Variants in NBPF9 observed in about 807,000 individuals in gnomAD.
The protein encoded by NBPF9 is NBPF member 9.
Under a neutral mutation model 97.8 loss-of-function variants are expected in NBPF9, and 91 were observed. The ratio of observed to expected loss-of-function variants is 0.93; its 90% confidence interval spans 0.79 to 1.11. The LOEUF is 1.11. Among genes scored for constraint, NBPF9 ranks in the 50% least tolerant of loss-of-function variants. The probability of loss-of-function intolerance (pLI) is 0.00; values close to 1 mark genes in which losing one functional copy is unlikely to be tolerated. For synonymous variants in NBPF9, 334 were observed against 359.5 expected (o/e 0.93, Z 0.80); for missense variants, 992 against 939.5 (o/e 1.06, Z -0.73).
chr1:149,080,733 G>T (rs1298723588), intron 7 of NBPF9, among the ~76,000 whole-genome samples: 4 of 122,474 alleles, frequency 3.3e-5, no homozygotes, highest in African/African-American at 1.3e-4. Flanking sequence ...ATTAGTATGA[G>T]AGGCAGCATT....
chr1:149,081,125 T>C (rs1264585500), intron 7 of NBPF9, among the ~76,000 whole-genome samples: 3 of 151,558 alleles, frequency 2.0e-5, no homozygotes, highest in African/African-American at 7.3e-5. Flanking sequence ...TTTATCTTTT[T>C]GTTTGTTTGT....
chr1:149,073,868 A>G (rs2079622871), exon 13 of NBPF9: 1 of 1,434,704 alleles, frequency 7.0e-7, no homozygotes, highest in African/African-American at 1.4e-5. Flanking sequence ...CACTCTTCAT[A>G]CTCTGAGAAA....
Position 149,070,988 on chromosome 1 carries a change from G to T in NBPF9, c.1531C>A (p.Leu511Ile), listed in dbSNP as rs377146782. 1.9e-6 allele frequency: 3 copies of T among 1,612,448 alleles called. No individual in the cohort carries two copies. The East Asian group carries it at 6.7e-5, about 36-fold the overall frequency. ...TCAACATGAGAGGATGAGCCAATGA[G>T]AGTTGAGTCGACTTTGTCTTCCTCA... The change falls in exon 16 of 30, where the codon CTC becomes ATC. Residue 511 changes from leucine (L) to isoleucine (I), a missense_variant. By Grantham distance (5) the Leu-to-Ile change is conservative. Around this residue, in one of 11 missense-constraint regions of NBPF9, gnomAD observed 151 missense variants for 132.8 expected, o/e 1.14. Coordinates refer to ENST00000584027, the Ensembl canonical transcript of NBPF9.
exon 30 of NBPF9, chr1:149,054,532 T>C (rs1385139969): frequency 1.0e-3 from 136 of 135,898 alleles, no homozygotes; most frequent in African/African-American, 3.5e-3. Flanking sequence ...TGGGCTGAGG[T>C]TGGAAACTCA....
chr1:149,084,337 TATATA>T (rs1273544802), intron 5 of NBPF9, among the ~76,000 whole-genome samples: 1 of 147,480 alleles, frequency 6.8e-6, no homozygotes, highest in African/African-American at 2.5e-5. Context: ...CACATGAATA[TATATA>T]ATATATATAC....
intron 8 of NBPF9, 46 bp downstream of exon 8, chr1:149,080,007 G>C: frequency 5.4e-6 from 8 of 1,469,894 alleles, no homozygotes; most frequent in Non-Finnish European, 9.5e-7. Flanking sequence ...GTACTTCAGA[G>C]ATCTACACAC....
At chr1:149,055,549 C>G (rs1218085523) in exon 30 of NBPF9, 8 of 1,566,854 alleles carry the variant, frequency 5.1e-6, no homozygotes, top group Non-Finnish European at 6.0e-6. Flanking sequence ...GCCCACTGAC[C>G]CATCCTATGT....
intron 4 of NBPF9, among the ~76,000 whole-genome samples, chr1:149,093,062 A>G (rs2152922606): frequency 6.6e-6 from 1 of 152,084 alleles, no homozygotes; most frequent in South Asian, 2.1e-4. Flanking sequence ...TTTATTGATC[A>G]TTATCGGGCA....
At chr1:149,061,924 G>T in intron 22 of NBPF9, 169 bp downstream of exon 22, 2 of 469,880 alleles carry the variant, frequency 4.3e-6, no homozygotes, top group South Asian at 4.3e-5. Flanking sequence ...CCCATTTCAT[G>T]TCTAGGCTTC....
intron 13 of NBPF9, 99 bp from the exon 14 acceptor site, chr1:149,073,031 C>G: frequency 7.6e-7 from 1 of 1,321,716 alleles, no homozygotes; most frequent in Non-Finnish European, 1.1e-6. Flanking sequence ...CTCAAGGAGA[C>G]CTCGAAGCAG....
At chr1:149,093,343 G>C (rs1377532031) in intron 4 of NBPF9, among the ~76,000 whole-genome samples, 4 of 151,858 alleles carry the variant, frequency 2.6e-5, no homozygotes, top group East Asian at 3.9e-4. Context: ...ACCCAGGGAC[G>C]AGCAGGAGAC....
chr1:149,060,977 A>G, intron 23 of NBPF9: 1 of 417,150 alleles, frequency 2.4e-6, no homozygotes. Context: ...TGACACACTG[A>G]TGAGGGAGTA....
chr1:149,099,722 T>C (rs2082020844), intron 3 of NBPF9, among the ~76,000 whole-genome samples: 2 of 152,180 alleles, frequency 1.3e-5, no homozygotes, highest in Non-Finnish European at 2.9e-5. Flanking sequence ...TGATGGCTTA[T>C]GCCTGTAATC....
Position 149,079,190 on chromosome 1 carries a change from G to A in NBPF9, c.310C>T (p.Arg104Ter), listed in dbSNP as rs112111762. 3.4e-4 allele frequency: 370 copies of A among 1,093,468 alleles called. 5 individuals carry two copies. The East Asian group carries it at 6.1e-3, about 18-fold the overall frequency. The allele number at this position is 1,093,468 out of a possible 1,614,324, so 67.7% of individuals were successfully genotyped here. A position where few individuals can be genotyped will look rare whatever the true frequency, so the allele number is the denominator to read the frequency against. The change falls in exon 9 of 30, where the codon CGA becomes TGA. Residue 104 changes from arginine (R) to a stop codon, truncating the protein, a stop_gained. Transcript: ENST00000584027. LOFTEE classifies it high-confidence loss of function. Reference sequence around the variant, plus strand: ...TTCTCCTTTAACTGCGTCAGCTCTCGTTCCTGAGAGTGAACCAGGACTTTA... The same window carrying A: ...TTCTCCTTTAACTGCGTCAGCTCTCATTCCTGAGAGTGAACCAGGACTTTA...
intron 5 of NBPF9, among the ~76,000 whole-genome samples, chr1:149,087,668 T>G (rs1278707050): frequency 6.6e-6 from 1 of 150,892 alleles, no homozygotes; most frequent in Non-Finnish European, 1.5e-5. Context: ...TTGCATTGGA[T>G]CTGGAGATCA....
At chr1:149,087,828 CTTTTTTTTTT>C (rs60084667) in intron 5 of NBPF9, among the ~76,000 whole-genome samples, 1 of 88,556 alleles carries the variant, frequency 1.1e-5, no homozygotes, top group African/African-American at 5.2e-5. Context: ...GTTGACTTTC[CTTTTTTTTTT>C]TTTTTTTTTT....
chr1:149,062,967 T>A (rs1198867745), intron 20 of NBPF9, 54 bp from the exon 21 acceptor site: 9 of 750,798 alleles, frequency 1.2e-5, no homozygotes, highest in Non-Finnish European at 2.2e-5. Flanking sequence ...CCTACACACA[T>A]AACAATCCAC....
At chr1:149,099,252 C>T (rs1386761314) in intron 3 of NBPF9, among the ~76,000 whole-genome samples, 1 of 152,208 alleles carries the variant, frequency 6.6e-6, no homozygotes, top group Non-Finnish European at 1.5e-5. Flanking sequence ...CAGGCTATCT[C>T]GCTGAGCTTT....
intron 14 of NBPF9, among the ~76,000 whole-genome samples, chr1:149,072,510 A>T (rs1553653175): frequency 6.6e-6 from 1 of 152,146 alleles, no homozygotes; most frequent in Non-Finnish European, 1.5e-5. Context: ...CCTTCCATCA[A>T]GGGAGGAGGG....
Sources: gnomAD v4.1 joint callset for allele counts (sites outside exome capture counted in the v4.1 genomes callset) on GRCh38, gnomAD v4.1.1 for gene constraint, gnomAD v4.1.1 regional missense constraint, MANE v1.5 for transcripts, NCBI Gene and HGNC (gene_info 2026-07-23, HGNC 2026-07-21) for gene names.